SLC2A13: variants seen among roughly 807,000 people sequenced by gnomAD.
SLC2A13 encodes the protein solute carrier family 2 member 13, also known as proton myo-inositol cotransporter.
SLC2A13 carries 32 observed loss-of-function variants against 64.4 expected under a neutral mutation model. The observed-to-expected ratio is 0.50, with a 90% CI of 0.37 to 0.67. SLC2A13 has a LOEUF of 0.67. Ranked by LOEUF, SLC2A13 falls within the 30% of genes least tolerant of loss-of-function variation. The probability of loss-of-function intolerance (pLI) is 0.00; values close to 1 mark genes in which losing one functional copy is unlikely to be tolerated. For missense variants in SLC2A13, 743 were observed against 829.2 expected, an observed-to-expected ratio of 0.90 and a Z score of 1.28; for synonymous variants, 338 against 327.1, an observed-to-expected ratio of 1.03 and a Z score of -0.36.
chr12:39,821,859 C>T (rs77755550), intron 7 of SLC2A13, among the ~76,000 whole-genome samples: 2,226 of 152,086 alleles, frequency 0.015, 27 homozygotes, highest in Middle Eastern at 0.024. Flanking sequence ...ATAATACAAT[C>T]GATCACACGT....
At chr12:40,049,174 C>T (rs10784356) in intron 1 of SLC2A13, among the ~76,000 whole-genome samples, 61,619 of 151,316 alleles carry the variant, frequency 0.41, 12,794 homozygotes, top group African/African-American at 0.44. Flanking sequence ...TGGACAGATA[C>T]TGATTTGCTG....
At chr12:39,825,313 A>G (rs891374958) in intron 7 of SLC2A13, among the ~76,000 whole-genome samples, 3 of 152,170 alleles carry the variant, frequency 2.0e-5, no homozygotes, top group Non-Finnish European at 2.9e-5. Context: ...ACAGATAAAT[A>G]CAGAAAAAAA....
intron 2 of SLC2A13, among the ~76,000 whole-genome samples, chr12:40,042,369 G>A (rs1466332603): frequency 6.6e-6 from 1 of 151,922 alleles, no homozygotes; most frequent in African/African-American, 2.4e-5. Flanking sequence ...TGTAAACACA[G>A]AGACACTCAT....
intron 3 of SLC2A13, among the ~76,000 whole-genome samples, chr12:39,978,814 G>A (rs1282403910): frequency 6.6e-6 from 1 of 152,018 alleles, no homozygotes; most frequent in Non-Finnish European, 1.5e-5. Context: ...ACTGGGTGGA[G>A]CCCACCACAG....
At chr12:39,821,096 T>C (rs376481504) in intron 7 of SLC2A13, among the ~76,000 whole-genome samples, 1 of 152,102 alleles carries the variant, frequency 6.6e-6, no homozygotes, top group Non-Finnish European at 1.5e-5. Context: ...ATTTGTTCAA[T>C]GGTTTTCTTT....
intron 1 of SLC2A13, among the ~76,000 whole-genome samples, chr12:40,098,124 T>C (rs1041360574): frequency 9.2e-5 from 14 of 151,944 alleles, no homozygotes; most frequent in African/African-American, 3.1e-4. Flanking sequence ...TGTGTATATA[T>C]AGGTGTGTAT....
intron 5 of SLC2A13, among the ~76,000 whole-genome samples, chr12:39,869,034 T>A (rs192007700): frequency 6.6e-6 from 1 of 152,238 alleles, no homozygotes; most frequent in Admixed American, 6.5e-5. Flanking sequence ...CGATACTGAA[T>A]CAAAGGTTAA....
At chr12:39,917,674 C>G (rs1592281713) in intron 4 of SLC2A13, among the ~76,000 whole-genome samples, 1 of 152,102 alleles carries the variant, frequency 6.6e-6, no homozygotes. Flanking sequence ...ACATCCGTGG[C>G]CTTGTTTGCA....
chr12:39,956,748 CT>C (rs1360885126), intron 3 of SLC2A13, among the ~76,000 whole-genome samples: 1 of 152,086 alleles, frequency 6.6e-6, no homozygotes, highest in Non-Finnish European at 1.5e-5. Flanking sequence ...TCTTCCCTTT[CT>C]TTTTGTTTTA....
chr12:39,790,090 A>G (rs1941329460), intron 7 of SLC2A13, among the ~76,000 whole-genome samples: 1 of 150,116 alleles, frequency 6.7e-6, no homozygotes, highest in Non-Finnish European at 1.5e-5. Context: ...TATATTCAAT[A>G]TAGAAATTAT....
At chr12:39,947,912 G>A (rs755799830) in intron 4 of SLC2A13, among the ~76,000 whole-genome samples, 1 of 151,918 alleles carries the variant, frequency 6.6e-6, no homozygotes, top group Non-Finnish European at 1.5e-5. Flanking sequence ...TGCCCACCTC[G>A]GCCTCCCAAA....
chr12:40,069,904 G>T (rs866612618), intron 1 of SLC2A13, among the ~76,000 whole-genome samples: 2 of 152,002 alleles, frequency 1.3e-5, no homozygotes, highest in South Asian at 4.1e-4. Context: ...TATACAATCA[G>T]TTTAAGAGAG....
At position 40,055,977 on chromosome 12, in the gene SLC2A13, C is replaced by CA. The variant is rs1021949582; in HGVS notation, c.557-7768dup. Among the ~76,000 whole-genome samples the CA allele has an allele frequency of 3.7e-4, 50 of 135,544 alleles. No individual in the cohort carries two copies. In the East Asian group the frequency reaches 7.5e-3, roughly 20 times the overall value. The allele number at this position is 135,544 out of a possible 152,430, so 88.9% of individuals were successfully genotyped here. On this transcript the variant is annotated intron_variant, in intron 1 of 9. Transcript: ENST00000280871. ...CTAAGGTACAACACACTCCACAGGC[C>CA]AAAAAAAACAAACAAAAAAAAAACA...
intron 3 of SLC2A13, among the ~76,000 whole-genome samples, chr12:39,980,517 T>G (rs1014749044): frequency 4.0e-5 from 6 of 151,610 alleles, no homozygotes; most frequent in Non-Finnish European, 5.9e-5. Flanking sequence ...AGGCAGGGGT[T>G]GCAATCCTAG....
intron 7 of SLC2A13, among the ~76,000 whole-genome samples, chr12:39,776,102 G>A (rs915190933): frequency 6.6e-6 from 1 of 152,150 alleles, no homozygotes; most frequent in Non-Finnish European, 1.5e-5. Flanking sequence ...CTTCCATATT[G>A]CTGTTCCCCC....
chr12:39,855,582 G>T (rs944594834), intron 6 of SLC2A13, among the ~76,000 whole-genome samples: 7 of 151,974 alleles, frequency 4.6e-5, no homozygotes, highest in Admixed American at 1.3e-4. Flanking sequence ...TGTTTTTTTT[G>T]TTGTTGTTTG....
intron 1 of SLC2A13, among the ~76,000 whole-genome samples, chr12:40,081,010 G>A (rs1417092862): frequency 1.3e-5 from 2 of 151,978 alleles, no homozygotes; most frequent in Non-Finnish European, 2.9e-5. Flanking sequence ...TTTTCTTTAA[G>A]GCTGCTGAAT....
chr12:39,999,736 CAGG>C (rs1319243065), intron 3 of SLC2A13, among the ~76,000 whole-genome samples: 1 of 152,154 alleles, frequency 6.6e-6, no homozygotes, highest in African/African-American at 2.4e-5. Context: ...GGACCCTTAT[CAGG>C]AGTTTCTGGT....
At chr12:40,030,597 C>T (rs987085620) in intron 2 of SLC2A13, among the ~76,000 whole-genome samples, 17 of 151,992 alleles carry the variant, frequency 1.1e-4, no homozygotes, top group African/African-American at 3.1e-4. Flanking sequence ...GATAATACTT[C>T]AAAAAGCACT....
Sources: allele counts gnomAD v4.1 joint callset (sites outside exome capture counted in the v4.1 genomes callset), GRCh38; gene constraint gnomAD v4.1.1; transcripts MANE v1.5; gene names NCBI Gene and HGNC (gene_info 2026-07-23, HGNC 2026-07-21).